The following PTP4A3 variants were observed in gnomAD, a reference collection of about 807,000 sequenced individuals.
PTP4A3 encodes protein tyrosine phosphatase type IVA 3.
A neutral mutation model predicts 15.2 loss-of-function variants in PTP4A3; 9 were observed. The ratio of observed to expected loss-of-function variants is 0.59; its 90% CI spans 0.36 to 1.03. PTP4A3 has a LOEUF of 1.03. Ranked by LOEUF, PTP4A3 falls within the 50% of genes least tolerant of loss-of-function variation. The pLI, the probability that PTP4A3 is intolerant of heterozygous loss-of-function variation, is 0.02. For synonymous variants in PTP4A3, 95 were observed against 102.0 expected (o/e 0.93, Z 0.41); for missense variants, 234 against 252.1 (o/e 0.93, Z 0.49).
intron 3 of PTP4A3, among the ~76,000 whole-genome samples, chr8:141,426,043 G>A (rs752412713): frequency 2.0e-5 from 3 of 152,226 alleles, no homozygotes; most frequent in Non-Finnish European, 2.9e-5. Context: ...TTCCACAGCA[G>A]CGGGAGGGAT....
intron 1 of PTP4A3, among the ~76,000 whole-genome samples, chr8:141,420,396 A>G (rs1442691806): frequency 6.6e-6 from 1 of 152,124 alleles, no homozygotes; most frequent in Non-Finnish European, 1.5e-5. Context: ...CACCTTGCTC[A>G]AGGCCTCCCA....
At chr8:141,420,868 G>A (rs770509145) in intron 1 of PTP4A3, among the ~76,000 whole-genome samples, 7 of 140,776 alleles carry the variant, frequency 5.0e-5, no homozygotes, top group Admixed American at 7.2e-5. Flanking sequence ...AGCACTGACC[G>A]AGTGCCTGGG....
chr8:141,418,119 G>A (rs995054640), intron 1 of PTP4A3, among the ~76,000 whole-genome samples: 1 of 152,004 alleles, frequency 6.6e-6, no homozygotes, highest in South Asian at 2.1e-4. Flanking sequence ...CGGGAGCCCC[G>A]CTGGCACCCA....
At chr8:141,400,218 C>T (rs545068036) in intron 1 of PTP4A3, among the ~76,000 whole-genome samples, 5 of 151,282 alleles carry the variant, frequency 3.3e-5, no homozygotes, top group South Asian at 2.1e-4. Context: ...CCTGCCTCTG[C>T]GCCTGGCCCA....
chr8:141,394,069 C>T (rs1235700153), intron 1 of PTP4A3, among the ~76,000 whole-genome samples: 2 of 152,144 alleles, frequency 1.3e-5, no homozygotes, highest in Admixed American at 6.5e-5. Flanking sequence ...GTGAGCCCTC[C>T]CTCTCACCGC....
rs1296780133 is a variant in PTP4A3, at chr8:141,424,115, C to T, written c.106-933C>T. On this transcript the variant is annotated intron_variant, in intron 2 of 5. Coordinates refer to ENST00000521578, the MANE Select transcript of PTP4A3 (RefSeq NM_032611.3). ...GAGGGCCTCTGAGGTACCCCATGGCCACAGAGCCCAGCACCCTGCCTGCTC... is the reference window on the plus strand; with the variant it reads ...GAGGGCCTCTGAGGTACCCCATGGCTACAGAGCCCAGCACCCTGCCTGCTC... 8.5e-5 allele frequency among the ~76,000 whole-genome samples: 13 copies of T among 152,074 alleles called. No individual in the cohort carries two copies. In the East Asian group the frequency reaches 2.5e-3, roughly 29 times the overall value.
At chr8:141,404,917 C>T (rs771958087) in intron 1 of PTP4A3, among the ~76,000 whole-genome samples, 3 of 152,214 alleles carry the variant, frequency 2.0e-5, no homozygotes, top group Non-Finnish European at 4.4e-5. Context: ...CACCAACTGG[C>T]AGCACTCATT....
intron 1 of PTP4A3, among the ~76,000 whole-genome samples, chr8:141,412,589 G>A (rs1213060442): frequency 1.3e-5 from 2 of 152,208 alleles, no homozygotes; most frequent in African/African-American, 4.8e-5. Context: ...TCCGTGGAGA[G>A]GCCCTGTGGG....
At chr8:141,426,847 G>A in intron 3 of PTP4A3, 92 bp from the exon 4 acceptor site, 3 of 1,514,280 alleles carry the variant, frequency 2.0e-6, no homozygotes, top group Non-Finnish European at 2.7e-6. Context: ...GGCACCCTCT[G>A]CCTCTCAGAG....
At chr8:141,430,796 A>T in intron 5 of PTP4A3, 131 bp from the exon 6 acceptor site, 8 of 790,208 alleles carry the variant, frequency 1.0e-5, no homozygotes, top group Non-Finnish European at 1.5e-5. Context: ...AGGCCCTGGG[A>T]CAGGAGGGGC....
intron 1 of PTP4A3, among the ~76,000 whole-genome samples, chr8:141,413,592 A>G (rs1832926783): frequency 1.3e-5 from 2 of 151,946 alleles, no homozygotes; most frequent in Admixed American, 1.3e-4. Context: ...GGCTGGGGGC[A>G]GGGAGGGTTA....
rs768599893 is a variant in PTP4A3, at chr8:141,397,164, C to T, written c.-854+5080C>T. ...GCCGGAGTGAGAGCTGTGTTACACG[C>T]AGGGAAGCCGGGGCTCGGGGAAGGT... On this transcript the variant is annotated intron_variant, in intron 1 of 5. Transcript: ENST00000521578. 3.0e-4 allele frequency among the ~76,000 whole-genome samples: 45 copies of T among 152,230 alleles called. 1 individual carries two copies. Among genetic ancestry groups the T allele is most frequent in the Non-Finnish European group, 7.3e-5 (5 of 68,038 alleles).
intron 1 of PTP4A3, among the ~76,000 whole-genome samples, chr8:141,394,122 G>A (rs1398998937): frequency 2.0e-5 from 3 of 152,172 alleles, no homozygotes; most frequent in Admixed American, 6.5e-5. Flanking sequence ...GCCTATGCAC[G>A]TGACCTCCTT....
intron 1 of PTP4A3, among the ~76,000 whole-genome samples, chr8:141,401,770 C>T (rs1454225973): frequency 6.6e-6 from 1 of 152,190 alleles, no homozygotes; most frequent in African/African-American, 2.4e-5. Context: ...GCTCAGAGAA[C>T]AGCAGGTGGA....
intron 1 of PTP4A3, among the ~76,000 whole-genome samples, chr8:141,418,163 C>A (rs958860358): frequency 1.3e-5 from 2 of 152,164 alleles, no homozygotes; most frequent in African/African-American, 2.4e-5. Flanking sequence ...ACGACCCCAC[C>A]CGCGACTGGT....
At chr8:141,430,597 C>A (rs1833824667) in intron 5 of PTP4A3, among the ~76,000 whole-genome samples, 1 of 152,180 alleles carries the variant, frequency 6.6e-6, no homozygotes, top group African/African-American at 2.4e-5. Context: ...GTGGAGGTGC[C>A]CAGGCACCAC....
intron 2 of PTP4A3, among the ~76,000 whole-genome samples, 167 bp downstream of exon 2, chr8:141,422,512 G>C (rs7018018): frequency 0.59 from 89,129 of 151,956 alleles, 26,399 homozygotes; most frequent in Middle Eastern, 0.64. Context: ...GGAGGAGGGA[G>C]ATGGGGGTGC....
intron 1 of PTP4A3, among the ~76,000 whole-genome samples, chr8:141,399,674 G>A (rs1458684579): frequency 6.6e-6 from 1 of 152,254 alleles, no homozygotes; most frequent in Non-Finnish European, 1.5e-5. Context: ...GAGCCAGGCT[G>A]CTTGCTTCTG....
At chr8:141,399,966 G>A (rs527816830) in intron 1 of PTP4A3, among the ~76,000 whole-genome samples, 1 of 152,310 alleles carries the variant, frequency 6.6e-6, no homozygotes, top group African/African-American at 2.4e-5. Context: ...GAATACAGTG[G>A]CACGATCTCA....
Sources: allele counts gnomAD v4.1 joint callset (sites outside exome capture counted in the v4.1 genomes callset), GRCh38; gene constraint gnomAD v4.1.1; transcripts MANE v1.5; gene names NCBI Gene and HGNC (gene_info 2026-07-23, HGNC 2026-07-21).